Variants in DLGAP2 observed in about 807,000 individuals in gnomAD.
The protein encoded by DLGAP2 is DLG associated protein 2.
Under a neutral mutation model 100.3 loss-of-function variants are expected in DLGAP2, and 26 were observed. That is an observed-to-expected ratio of 0.26 (90% CI 0.19 to 0.36). The LOEUF is 0.36. Among genes scored for constraint, DLGAP2 ranks in the 10% least tolerant of loss-of-function variants. The pLI is 1.00. For synonymous variants in DLGAP2, 886 were observed against 630.1 expected (o/e 1.41, Z -6.08); for missense variants, 1,858 against 1,453.2 (o/e 1.28, Z -4.53).
At chr8:1,091,104 C>G (rs977428375) in intron 2 of DLGAP2, among the ~76,000 whole-genome samples, 1 of 152,150 alleles carries the variant, frequency 6.6e-6, no homozygotes, top group East Asian at 1.9e-4. Flanking sequence ...CTGCAGCGCC[C>G]AGACCCATCT....
chr8:1,485,003 A>G (rs1049544192), intron 3 of DLGAP2, among the ~76,000 whole-genome samples: 2 of 152,176 alleles, frequency 1.3e-5, no homozygotes, highest in African/African-American at 4.8e-5. Context: ...TCCGCTAATA[A>G]TAACTGCAAT....
chr8:997,505 C>G (rs1800814921), intron 2 of DLGAP2, among the ~76,000 whole-genome samples: 1 of 152,126 alleles, frequency 6.6e-6, no homozygotes, highest in South Asian at 2.1e-4. Context: ...CATTCACTAC[C>G]AAACACACAC....
At chr8:1,547,372 C>T (rs759967058) in intron 4 of DLGAP2, among the ~76,000 whole-genome samples, 6 of 151,698 alleles carry the variant, frequency 4.0e-5, no homozygotes, top group Non-Finnish European at 8.8e-5. Flanking sequence ...GGCTGGGGTG[C>T]ATTTGAGGGG....
intron 1 of DLGAP2, among the ~76,000 whole-genome samples, chr8:875,873 A>G (rs906536228): frequency 6.6e-6 from 1 of 152,186 alleles, no homozygotes; most frequent in Non-Finnish European, 1.5e-5. Context: ...TTATGCTGGC[A>G]TAATTCTAGT....
chr8:987,470 G>A (rs1361401497), intron 2 of DLGAP2, among the ~76,000 whole-genome samples: 1 of 152,170 alleles, frequency 6.6e-6, no homozygotes, highest in African/African-American at 2.4e-5. Flanking sequence ...ACCACAGGAG[G>A]AAGAGACAGG....
chr8:1,373,500 G>C (rs548116640), intron 3 of DLGAP2, among the ~76,000 whole-genome samples: 1 of 152,202 alleles, frequency 6.6e-6, no homozygotes. Flanking sequence ...CTGTGGACAC[G>C]TCTGCCCACA....
intron 2 of DLGAP2, among the ~76,000 whole-genome samples, chr8:1,047,658 T>G (rs1306435104): frequency 1.3e-5 from 2 of 151,940 alleles, no homozygotes; most frequent in African/African-American, 4.8e-5. Context: ...GGTCCCTAGA[T>G]GGCCTCCCAC....
At chr8:1,088,154 C>T (rs77000470) in intron 2 of DLGAP2, among the ~76,000 whole-genome samples, 166 of 152,366 alleles carry the variant, frequency 1.1e-3, no homozygotes, top group African/African-American at 3.8e-3. Context: ...GCTGGTCCAC[C>T]TTCCAGACGA....
intron 1 of DLGAP2, among the ~76,000 whole-genome samples, chr8:769,804 C>G (rs1216768081): frequency 6.6e-6 from 1 of 152,090 alleles, no homozygotes; most frequent in Non-Finnish European, 1.5e-5. Context: ...GAACAGAAGC[C>G]ACATTGTATG....
intron 4 of DLGAP2, among the ~76,000 whole-genome samples, chr8:1,537,332 G>C (rs1017603057): frequency 6.6e-6 from 1 of 152,204 alleles, no homozygotes; most frequent in African/African-American, 2.4e-5. Flanking sequence ...TGGTGAGTGT[G>C]TGTTGGGGTG....
chr8:1,073,729 C>T (rs531973042), intron 2 of DLGAP2, among the ~76,000 whole-genome samples: 1 of 152,232 alleles, frequency 6.6e-6, no homozygotes, highest in Non-Finnish European at 1.5e-5. Flanking sequence ...AAACATTTCC[C>T]ATGCACGGCT....
At chr8:1,000,372 G>C (rs930717007) in intron 2 of DLGAP2, among the ~76,000 whole-genome samples, 1 of 151,442 alleles carries the variant, frequency 6.6e-6, no homozygotes, top group African/African-American at 2.4e-5. Context: ...ATTTTCTCTA[G>C]AGCGGAAAGA....
At chr8:1,220,867 C>G (rs1489391475) in intron 2 of DLGAP2, among the ~76,000 whole-genome samples, 1 of 151,498 alleles carries the variant, frequency 6.6e-6, no homozygotes, top group Non-Finnish European at 1.5e-5. Flanking sequence ...CCTTTTTTGT[C>G]CTTTTTGATC....
At chr8:853,991 T>A (rs1797229570) in intron 1 of DLGAP2, among the ~76,000 whole-genome samples, 1 of 152,040 alleles carries the variant, frequency 6.6e-6, no homozygotes, top group Admixed American at 6.5e-5. Context: ...TCCCTGCACC[T>A]CCTACCTAGC....
intron 2 of DLGAP2, among the ~76,000 whole-genome samples, chr8:947,480 G>C (rs546321509): frequency 6.6e-6 from 1 of 152,188 alleles, no homozygotes; most frequent in Non-Finnish European, 1.5e-5. Context: ...GCGTAGAGAC[G>C]GTGGCGGCTG....
chr8:1,697,390 C>G, intron 14 of DLGAP2, 91 bp downstream of exon 14: 1 of 1,489,480 alleles, frequency 6.7e-7, no homozygotes, highest in Non-Finnish European at 9.0e-7. Context: ...CAACGGGGTT[C>G]TCAGTCTTTT....
chr8:1,623,923 T>G (rs1346579872), intron 6 of DLGAP2, among the ~76,000 whole-genome samples: 1 of 152,228 alleles, frequency 6.6e-6, no homozygotes, highest in Non-Finnish European at 1.5e-5. Flanking sequence ...CACACTCCAT[T>G]TTGAAATAAA....
intron 3 of DLGAP2, among the ~76,000 whole-genome samples, chr8:1,352,482 A>G (rs1046090252): frequency 4.6e-5 from 7 of 152,136 alleles, no homozygotes. Flanking sequence ...CACTTCCTAA[A>G]AACTCTTCCC....
intron 6 of DLGAP2, among the ~76,000 whole-genome samples, chr8:1,604,371 T>C (rs2956955): frequency 0.99 from 150,709 of 152,298 alleles, 74,575 homozygotes; most frequent in East Asian, 1. Flanking sequence ...CAGTGGGGCA[T>C]CCTATCCCTC....
Sources: allele counts gnomAD v4.1 joint callset (sites outside exome capture counted in the v4.1 genomes callset), GRCh38; gene constraint gnomAD v4.1.1; transcripts MANE v1.5; gene names NCBI Gene and HGNC (gene_info 2026-07-23, HGNC 2026-07-21).